The following ANXA10 variants were observed in gnomAD, a reference collection of about 807,000 sequenced individuals.
ANXA10 encodes annexin 14.
Under a neutral mutation model 53.5 loss-of-function variants are expected in ANXA10, and 49 were observed. The ratio of observed to expected loss-of-function variants is 0.92; its 90% CI spans 0.73 to 1.16. The LOEUF is 1.16. ANXA10 is among the 50% of genes most tolerant of loss of function. ANXA10 has a pLI of 0.00. For synonymous variants in ANXA10, 131 were observed against 128.9 expected, an observed-to-expected ratio of 1.02 and a Z score of -0.11; for missense variants, 393 against 394.4, an observed-to-expected ratio of 1.00 and a Z score of 0.03.
At chr4:168,104,456 G>C (rs528529065) in intron 1 of ANXA10, among the ~76,000 whole-genome samples, 2 of 151,956 alleles carry the variant, frequency 1.3e-5, no homozygotes, top group South Asian at 4.1e-4. Context: ...AAAAAATTTG[G>C]TAGAATTGAT....
chr4:168,181,377 C>T (rs1427801685), intron 9 of ANXA10, among the ~76,000 whole-genome samples: 3 of 131,168 alleles, frequency 2.3e-5, no homozygotes, highest in Non-Finnish European at 4.6e-5. Flanking sequence ...GGCGACAGAA[C>T]GAGACTCCGT....
chr4:168,178,151 A>T (rs1043919884), intron 8 of ANXA10, 168 bp downstream of exon 8: 37 of 594,558 alleles, frequency 6.2e-5, no homozygotes, highest in Non-Finnish European at 9.9e-5. Context: ...ATTTAATGAC[A>T]TTACTAAGGA....
intron 4 of ANXA10, among the ~76,000 whole-genome samples, chr4:168,163,337 C>T (rs1236291678): frequency 1.3e-5 from 2 of 151,998 alleles, no homozygotes; most frequent in Non-Finnish European, 2.9e-5. Flanking sequence ...CATTCCAGTA[C>T]GATGCTTGCC....
At chr4:168,158,751 T>C (rs1731731579) in intron 3 of ANXA10, among the ~76,000 whole-genome samples, 1 of 152,212 alleles carries the variant, frequency 6.6e-6, no homozygotes, top group Non-Finnish European at 1.5e-5. Context: ...TTTTTTATTA[T>C]GATTATGTGC....
chr4:168,128,153 C>T lies in ANXA10; in HGVS notation c.88C>T (p.Leu30Phe), dbSNP rs771145957. Residue 30 changes from leucine to phenylalanine, a missense_variant, in exon 2 of 12, where the codon CTC becomes TTC. Leu to Phe is a conservative substitution (Grantham distance 22). Transcript: ENST00000359299. ...GGATGCCCAAATGCTAGGAGGAGCA[C>T]TCCAAGGATTTGGTAAGTCTGATTA... ...IMDAQMLGGALQGFDCDKDML... is the reference protein window; with the variant it reads ...IMDAQMLGGAFQGFDCDKDML... 6.2e-7 allele frequency: 1 copy of T among 1,612,604 alleles called. No homozygotes were observed. The highest frequency in any genetic ancestry group is 8.5e-7 in the Non-Finnish European group (1 of 1,179,042).
intron 3 of ANXA10, among the ~76,000 whole-genome samples, chr4:168,153,714 A>C (rs540713325): frequency 2.0e-5 from 3 of 152,096 alleles, no homozygotes; most frequent in Non-Finnish European, 4.4e-5. Context: ...ACCTGAGTTA[A>C]ATCTTTTAAC....
In ANXA10 at chr4:168,096,940, G is replaced by A. The variant is rs9799760; in HGVS notation, c.18+4222G>A. Among the ~76,000 whole-genome samples, 414 of 42,568 alleles carry A rather than the reference G, an allele frequency of 9.7e-3. 7 individuals carry two copies. The highest frequency in any genetic ancestry group is 0.046 in the African/African-American group (377 of 8,224). The allele number at this position is 42,568 out of a possible 152,430, so 27.9% of individuals were successfully genotyped here. A position where few individuals can be genotyped will look rare whatever the true frequency, so the allele number is the denominator to read the frequency against. On this transcript the variant is annotated intron_variant, in intron 1 of 11. Transcript: ENST00000359299. The stretch of plus-strand genomic sequence containing the variant: ...TATATATATATATATGTATGTATAT[G>A]TATATACAATACATACATAAGCATA...
chr4:168,161,526 T>C (rs1731782787), intron 3 of ANXA10, among the ~76,000 whole-genome samples: 1 of 152,226 alleles, frequency 6.6e-6, no homozygotes, highest in African/African-American at 2.4e-5. Flanking sequence ...TTGCTTAGGA[T>C]TGACTTGGCT....
chr4:168,154,850 C>T (rs933652211), intron 3 of ANXA10, among the ~76,000 whole-genome samples: 2 of 150,212 alleles, frequency 1.3e-5, no homozygotes, highest in African/African-American at 2.4e-5. Context: ...TAAATTATTA[C>T]AGTTATTCTA....
chr4:168,179,402 G>C, intron 9 of ANXA10, 90 bp downstream of exon 9: 1 of 851,760 alleles, frequency 1.2e-6, no homozygotes, highest in South Asian at 1.7e-5. Context: ...GCATGAGTAA[G>C]CTCTTGATCG....
At chr4:168,152,794 C>T (rs1731519806) in intron 3 of ANXA10, among the ~76,000 whole-genome samples, 1 of 147,894 alleles carries the variant, frequency 6.8e-6, no homozygotes. Context: ...ACTCATAGGG[C>T]TTATTTAATA....
chr4:168,115,495 ACG>A (rs201109740), intron 1 of ANXA10, among the ~76,000 whole-genome samples: 6 of 110,620 alleles, frequency 5.4e-5, no homozygotes, highest in Non-Finnish European at 5.1e-5. Flanking sequence ...TACAATACAC[ACG>A]CACACACACA....
At chr4:168,184,194 G>T (rs1176313355) in intron 10 of ANXA10, among the ~76,000 whole-genome samples, 1 of 152,180 alleles carries the variant, frequency 6.6e-6, no homozygotes, top group Non-Finnish European at 1.5e-5. Flanking sequence ...GATCAGATTT[G>T]CAGTTTATAA....
At chr4:168,112,894 G>A (rs562090876) in intron 1 of ANXA10, among the ~76,000 whole-genome samples, 4 of 152,048 alleles carry the variant, frequency 2.6e-5, no homozygotes, top group Non-Finnish European at 4.4e-5. Flanking sequence ...GTGGTGGCAC[G>A]TGCTTGTAGT....
In ANXA10 at chr4:168,139,572, T is replaced by C. The variant is rs1731294758; in HGVS notation, c.187T>C (p.Tyr63His). The C allele has an allele frequency of 2.5e-6, 4 of 1,609,712 alleles. No homozygotes were observed. Among genetic ancestry groups the C allele is most frequent in the East Asian group, 4.5e-5 (2 of 44,750 alleles). Reference sequence around the variant, plus strand: ...GATTGCAGAGGCATACCAGAGCATGTATGGCCGGGTAAGGCCACTTTATCT... The same window carrying C: ...GATTGCAGAGGCATACCAGAGCATGCATGGCCGGGTAAGGCCACTTTATCT... ...MMIAEAYQSM[Y>H]GRDLIGDMRE... The change falls in exon 3 of 12, where the codon TAT (tyrosine) becomes CAT (histidine). Residue 63 changes from tyrosine (Y) to histidine (H), a missense_variant. Tyr to His is a moderately conservative substitution (Grantham distance 83). Coordinates refer to ENST00000359299, the MANE Select transcript of ANXA10 (RefSeq NM_007193.5).
At chr4:168,125,788 T>A (rs557714882) in intron 1 of ANXA10, among the ~76,000 whole-genome samples, 1 of 152,216 alleles carries the variant, frequency 6.6e-6, no homozygotes, top group African/African-American at 2.4e-5. Context: ...ATTTTAAACA[T>A]ACAATTACTC....
intron 3 of ANXA10, among the ~76,000 whole-genome samples, chr4:168,146,149 TC>T (rs1300836910): frequency 6.6e-6 from 1 of 152,144 alleles, no homozygotes; most frequent in East Asian, 1.9e-4. Flanking sequence ...CCTCAGATGA[TC>T]CACCCGCCTT....
At chr4:168,185,550 A>C (rs1319551643) in intron 11 of ANXA10, among the ~76,000 whole-genome samples, 1 of 152,244 alleles carries the variant, frequency 6.6e-6, no homozygotes, top group Admixed American at 6.5e-5. Flanking sequence ...TTTCATTCTG[A>C]TACTTTTAAA....
At position 168,092,541 on chromosome 4, in the gene ANXA10, A is replaced by G; in HGVS notation, c.-160A>G. On this transcript the variant is annotated 5_prime_UTR_variant, in exon 1 of 12. Transcript: ENST00000359299. Reference sequence around the variant, plus strand: ...CAGTATCTCAAGTCATGCTGTATCCAGATTTGCTTTTACATTTTCTTGCCT... The same window carrying G: ...CAGTATCTCAAGTCATGCTGTATCCGGATTTGCTTTTACATTTTCTTGCCT... 2 of 665,788 alleles carry G rather than the reference A, an allele frequency of 3.0e-6. No individual in the cohort carries two copies. Among genetic ancestry groups the G allele is most frequent in the Non-Finnish European group, 5.1e-6 (2 of 393,188 alleles). The allele number at this position is 665,788 out of a possible 1,614,324, so 41.2% of individuals were successfully genotyped here. A position where few individuals can be genotyped will look rare whatever the true frequency, so the allele number is the denominator to read the frequency against.
Sources: allele counts gnomAD v4.1 joint callset (sites outside exome capture counted in the v4.1 genomes callset), GRCh38; gene constraint gnomAD v4.1.1; transcripts MANE v1.5; gene names NCBI Gene and HGNC (gene_info 2026-07-23, HGNC 2026-07-21).